CELF5: variants seen among roughly 807,000 people sequenced by gnomAD.
The protein encoded by CELF5 is CUGBP Elav-like family member 5.
In CELF5, 6 loss-of-function variants were observed where a neutral mutation model predicts 54.9. The observed-to-expected ratio is 0.11, with a 90% CI of 0.06 to 0.22. The LOEUF is 0.22. CELF5 is among the 10% of genes least tolerant of loss of function. The pLI is 1.00. For missense variants in CELF5, 401 were observed against 678.6 expected, an observed-to-expected ratio of 0.59 and a Z score of 4.54; for synonymous variants, 271 against 290.9, an observed-to-expected ratio of 0.93 and a Z score of 0.70.
chr19:3,254,285 C>T (rs8101168), intron 2 of CELF5, among the ~76,000 whole-genome samples: 30,299 of 151,876 alleles, frequency 0.2, 3,458 homozygotes, highest in East Asian at 0.54. Flanking sequence ...CCTTTCCATC[C>T]ACCCATCACC....
At chr19:3,293,650 C>T (rs923353352) in intron 12 of CELF5, 164 bp downstream of exon 12, 30 of 604,310 alleles carry the variant, frequency 5.0e-5, no homozygotes, top group Non-Finnish European at 8.3e-5. Context: ...TGGATGTAGA[C>T]ACCCCCGATC....
At chr19:3,226,948 G>A (rs1399402027) in intron 1 of CELF5, among the ~76,000 whole-genome samples, 1 of 151,986 alleles carries the variant, frequency 6.6e-6, no homozygotes, top group African/African-American at 2.4e-5. Flanking sequence ...GAGAATGTTG[G>A]GGTCCCTGGG....
chr19:3,268,340 G>T lies in CELF5; in HGVS notation c.343-5532G>T, dbSNP rs900299789. 6.6e-6 allele frequency among the ~76,000 whole-genome samples: 1 copy of T among 152,132 alleles called. No homozygotes were observed. The highest frequency in any genetic ancestry group is 1.9e-4 in the East Asian group (1 of 5,194). On this transcript the variant is annotated intron_variant, in intron 2 of 12. Transcript: ENST00000292672. The surrounding 1 kb of genome is among the most constrained non-coding windows in gnomAD (Gnocchi z 4.4). ...TGTTTGGAGGACTCTGTAAGGTGAG[G>T]CCTGTCAGGTGCTGAACGCAGAACC...
chr19:3,292,146 C>T (rs2080361033), intron 11 of CELF5, among the ~76,000 whole-genome samples: 1 of 151,988 alleles, frequency 6.6e-6, no homozygotes, highest in South Asian at 2.1e-4. Flanking sequence ...GGGGTTTCAC[C>T]ATGTTGGCCA....
chr19:3,246,374 T>C (rs1242030866), intron 1 of CELF5, among the ~76,000 whole-genome samples: 1 of 148,036 alleles, frequency 6.8e-6, no homozygotes, highest in Non-Finnish European at 1.5e-5. Context: ...TCTCTCTCTC[T>C]CTCTCTGGCT....
chr19:3,288,462 C>T (rs555456625), intron 10 of CELF5, among the ~76,000 whole-genome samples: 4 of 152,124 alleles, frequency 2.6e-5, no homozygotes, highest in Non-Finnish European at 2.9e-5. Flanking sequence ...GCAGAGGTTG[C>T]GATGAGCCAA....
intron 12 of CELF5, chr19:3,295,636 C>T (rs1412562246): frequency 6.7e-6 from 1 of 150,280 alleles, no homozygotes; most frequent in Non-Finnish European, 1.5e-5. Context: ...CACCAATTCT[C>T]CAGGGCCGTT....
At chr19:3,263,195 C>T (rs1438328997) in intron 2 of CELF5, among the ~76,000 whole-genome samples, 1 of 135,168 alleles carries the variant, frequency 7.4e-6, no homozygotes, top group Non-Finnish European at 1.6e-5. Context: ...TGCGGTGAGC[C>T]GAGATCACGC....
intron 2 of CELF5, among the ~76,000 whole-genome samples, chr19:3,266,334 C>T (rs962161850): frequency 4.6e-5 from 7 of 151,970 alleles, no homozygotes; most frequent in Middle Eastern, 3.4e-3. Flanking sequence ...CGTATCTCAG[C>T]CCCGCCTCCT....
intron 2 of CELF5, among the ~76,000 whole-genome samples, chr19:3,257,909 C>T (rs569792671): frequency 5.3e-4 from 81 of 151,892 alleles, no homozygotes; most frequent in African/African-American, 1.9e-3. Flanking sequence ...GCTTTGACCT[C>T]CCACCTCAGC....
At chr19:3,235,851 T>C (rs1325116011) in intron 1 of CELF5, among the ~76,000 whole-genome samples, 1 of 148,398 alleles carries the variant, frequency 6.7e-6, no homozygotes, top group African/African-American at 2.5e-5. Flanking sequence ...AATGAATGGA[T>C]GGATGGATGA....
rs1190519858 is a variant in CELF5 at position 3,282,061 on chromosome 19, C to A, written c.751-65C>A. Reference sequence around the variant, plus strand: ...CTCACTAGTAACTGGGGTACCAAGCCTCCCCTCATAAGCCATGATCTCAGG... The same window carrying A: ...CTCACTAGTAACTGGGGTACCAAGCATCCCCTCATAAGCCATGATCTCAGG... On this transcript the variant is annotated intron_variant, in intron 6 of 12. Coordinates refer to ENST00000292672, the MANE Select transcript of CELF5 (RefSeq NM_021938.4). This position sits in a 1 kb window ranked among gnomAD's most constrained non-coding sequence, Gnocchi z 5.2. The A allele has an allele frequency of 1.9e-6, 3 of 1,581,964 alleles. No individual in the cohort carries two copies. Among genetic ancestry groups the A allele is most frequent in the Non-Finnish European group, 2.6e-6 (3 of 1,153,774 alleles).
At chr19:3,237,254 G>T (rs1328499929) in intron 1 of CELF5, among the ~76,000 whole-genome samples, 2 of 140,864 alleles carry the variant, frequency 1.4e-5, no homozygotes, top group Non-Finnish European at 3.0e-5. Flanking sequence ...GGAGCTTGCA[G>T]TGAGCCGAGA....
chr19:3,266,827 C>T (rs546237529), intron 2 of CELF5, among the ~76,000 whole-genome samples: 164 of 152,316 alleles, frequency 1.1e-3, no homozygotes, highest in African/African-American at 3.8e-3. Flanking sequence ...GAAGACCCCC[C>T]GGCCTGCCAG....
intron 11 of CELF5, among the ~76,000 whole-genome samples, chr19:3,292,023 C>T (rs1013507542): frequency 9.9e-4 from 151 of 152,162 alleles, no homozygotes; most frequent in African/African-American, 2.0e-3. Context: ...CTCAGCTCAC[C>T]GCAATCTCTG....
In CELF5 at chr19:3,278,028, C is replaced by A. The variant is rs907700785; in HGVS notation, c.524-3C>A. The A allele has an allele frequency of 3.1e-6, 5 of 1,613,416 alleles. No homozygotes were observed. Among genetic ancestry groups the A allele is most frequent in the Non-Finnish European group, 4.2e-6 (5 of 1,179,468 alleles). ...TCTACCTCTTCTTCTTCTCTTGGAGCAGGCTGTGCTTTCGTGAAGTTCTCC... is the reference window on the plus strand; with the variant it reads ...TCTACCTCTTCTTCTTCTCTTGGAGAAGGCTGTGCTTTCGTGAAGTTCTCC... On this transcript the variant is annotated splice_region_variant and splice_polypyrimidine_tract_variant and intron_variant, in intron 4 of 12. Coordinates refer to ENST00000292672, the MANE Select transcript of CELF5 (RefSeq NM_021938.4). The surrounding 1 kb of genome is among the most constrained non-coding windows in gnomAD (Gnocchi z 4.5).
At chr19:3,225,592 CGGATGCCCA>C (rs1916860189) in intron 1 of CELF5, 1 of 983,280 alleles carries the variant, frequency 1.0e-6, no homozygotes, top group Admixed American at 6.2e-5. Flanking sequence ...GCGGGGGACA[CGGATGCCCA>C]GGACCCCAGG....
At chr19:3,264,376 C>A (rs1248357206) in intron 2 of CELF5, among the ~76,000 whole-genome samples, 1 of 149,188 alleles carries the variant, frequency 6.7e-6, no homozygotes. Flanking sequence ...TTTATGTGTG[C>A]CTTCTTGTTT....
intron 2 of CELF5, among the ~76,000 whole-genome samples, chr19:3,258,885 A>G (rs1478839445): frequency 6.6e-6 from 1 of 152,150 alleles, no homozygotes; most frequent in Admixed American, 6.6e-5. Context: ...CGCTGAGATT[A>G]CAGACGTGAG....
Sources: allele counts gnomAD v4.1 joint callset (sites outside exome capture counted in the v4.1 genomes callset), GRCh38; gene constraint gnomAD v4.1.1; non-coding constraint Gnocchi (gnomAD v3.1); transcripts MANE v1.5; gene names NCBI Gene and HGNC (gene_info 2026-07-23, HGNC 2026-07-21).